SAMD4A: variants seen among roughly 807,000 people sequenced by gnomAD.
SAMD4A encodes the protein protein Smaug homolog 1.
Under a neutral mutation model 81.3 loss-of-function variants are expected in SAMD4A, and 33 were observed. The ratio of observed to expected loss-of-function variants is 0.41; its 90% confidence interval spans 0.31 to 0.54. The LOEUF (loss-of-function observed/expected upper bound fraction) is 0.54, where lower values mean the gene tolerates loss of function less well. SAMD4A is among the 20% of genes least tolerant of loss of function. The pLI is 0.37. For synonymous variants in SAMD4A, 389 were observed against 382.1 expected, an observed-to-expected ratio of 1.02 and a Z score of -0.21; for missense variants, 854 against 951.1, an observed-to-expected ratio of 0.90 and a Z score of 1.34.
intron 2 of SAMD4A, among the ~76,000 whole-genome samples, chr14:54,691,549 CAAA>C (rs10610242): frequency 0.38 from 38,498 of 100,376 alleles, 6,220 homozygotes; most frequent in Middle Eastern, 0.48. Context: ...CTTCCCTTCT[CAAA>C]AAAAAAAAAA....
At chr14:54,568,439 G>A (rs2033016555) in intron 2 of SAMD4A, among the ~76,000 whole-genome samples, 1 of 151,748 alleles carries the variant, frequency 6.6e-6, no homozygotes, top group African/African-American at 2.4e-5. Flanking sequence ...CGTAGAGTCT[G>A]GATTTTCTGG....
intron 6 of SAMD4A, among the ~76,000 whole-genome samples, chr14:54,755,444 C>T (rs974646367): frequency 6.6e-6 from 1 of 152,098 alleles, no homozygotes; most frequent in Non-Finnish European, 1.5e-5. Context: ...AAGTGTGTGC[C>T]AAGGGTCAAG....
At chr14:54,773,592 G>A (rs2038761049) in intron 9 of SAMD4A, among the ~76,000 whole-genome samples, 1 of 152,200 alleles carries the variant, frequency 6.6e-6, no homozygotes, top group South Asian at 2.1e-4. Context: ...GGCAGCGCCG[G>A]CATCTGCACG....
intron 2 of SAMD4A, among the ~76,000 whole-genome samples, chr14:54,614,335 A>G (rs1243103811): frequency 6.6e-6 from 1 of 152,204 alleles, no homozygotes; most frequent in Non-Finnish European, 1.5e-5. Flanking sequence ...AATATGGTTC[A>G]TCTCAGTTAT....
chr14:54,772,981 C>T (rs1025057179), intron 9 of SAMD4A, among the ~76,000 whole-genome samples: 10 of 151,996 alleles, frequency 6.6e-5, no homozygotes, highest in South Asian at 6.2e-4. Flanking sequence ...AAAATGAAAA[C>T]GAAATTTTTA....
In SAMD4A at chr14:54,792,490, GCTGA is replaced by G. The variant is rs2039276509; in HGVS notation, c.*3547_*3550del. On this transcript the variant is annotated 3_prime_UTR_variant, in exon 13 of 13. Coordinates refer to ENST00000554335, the MANE Select transcript of SAMD4A (RefSeq NM_015589.6). The stretch of plus-strand genomic sequence containing the variant: ...ATTCCCCAGGAGCCTGGGCTTGGGG[GCTGA>G]GCTGGGCTGAATGCAAAAGCATGCA... The G allele has an allele frequency of 6.6e-6, 1 of 152,276 alleles. No individual in the cohort carries two copies. The highest frequency in any genetic ancestry group is 1.5e-5 in the Non-Finnish European group (1 of 68,114). 9.4% of individuals were successfully genotyped at this position (152,276 alleles called of 1,614,324 possible). A position where few individuals can be genotyped will look rare whatever the true frequency, so the allele number is the denominator to read the frequency against.
chr14:54,658,899 C>T (rs892537006), intron 2 of SAMD4A, among the ~76,000 whole-genome samples: 1 of 152,208 alleles, frequency 6.6e-6, no homozygotes, highest in African/African-American at 2.4e-5. Flanking sequence ...ACCTTTTCCA[C>T]GCTTTGTGGG....
rs146337985 is a variant in SAMD4A, at chr14:54,608,619, G to A, written c.196+40507G>A. 1.9e-3 allele frequency among the ~76,000 whole-genome samples: 288 copies of A among 152,326 alleles called. 1 individual carries two copies. Among genetic ancestry groups the A allele is most frequent in the African/African-American group, 6.3e-3 (262 of 41,558 alleles). ...CTGTGCTGGCACATAGTAGGTTATT[G>A]AGTTTGATATTTCGGTGAATGAAGG... On this transcript the variant is annotated intron_variant, in intron 2 of 12. Transcript: ENST00000554335.
intron 3 of SAMD4A, among the ~76,000 whole-genome samples, chr14:54,721,674 G>T (rs900386464): frequency 6.6e-6 from 1 of 152,166 alleles, no homozygotes; most frequent in African/African-American, 2.4e-5. Flanking sequence ...CTAGAGCTCA[G>T]TTCTTCTCAT....
chr14:54,623,116 G>T lies in SAMD4A; in HGVS notation c.196+55004G>T, dbSNP rs8013201. ...GCCGGGGCTTGTGTGGGTTCTGCCA[G>T]TGTATCCCCCAGGGACTCTCCTTGC... On this transcript the variant is annotated intron_variant, in intron 2 of 12. Transcript: ENST00000554335. 2.6e-5 allele frequency among the ~76,000 whole-genome samples: 4 copies of T among 152,054 alleles called. No individual in the cohort carries two copies. The East Asian group carries it at 7.7e-4, about 29-fold the overall frequency.
At chr14:54,630,465 G>A (rs1279062208) in intron 2 of SAMD4A, among the ~76,000 whole-genome samples, 2 of 152,162 alleles carry the variant, frequency 1.3e-5, no homozygotes, top group Non-Finnish European at 2.9e-5. Flanking sequence ...GTGCTTATTA[G>A]CCATTTGTAT....
At chr14:54,578,446 C>G (rs916202274) in intron 2 of SAMD4A, among the ~76,000 whole-genome samples, 1 of 147,348 alleles carries the variant, frequency 6.8e-6, no homozygotes, top group South Asian at 2.2e-4. Context: ...CGCACTGGCT[C>G]ATGCCTGTAA....
At chr14:54,769,516 A>T (rs948754446) in intron 8 of SAMD4A, among the ~76,000 whole-genome samples, 2 of 152,206 alleles carry the variant, frequency 1.3e-5, no homozygotes, top group Admixed American at 6.5e-5. Context: ...TCAGACCTAC[A>T]TACTTCCCTA....
chr14:54,628,368 CAG>C (rs2034816023), intron 2 of SAMD4A, among the ~76,000 whole-genome samples: 1 of 152,160 alleles, frequency 6.6e-6, no homozygotes, highest in South Asian at 2.1e-4. Flanking sequence ...TGCCATGTCA[CAG>C]AGGGGTCTGC....
At chr14:54,771,554 G>A (rs2038706047) in intron 9 of SAMD4A, among the ~76,000 whole-genome samples, 1 of 152,190 alleles carries the variant, frequency 6.6e-6, no homozygotes, top group Non-Finnish European at 1.5e-5. Context: ...AACCCTTGTG[G>A]GTTGGACTAG....
chr14:54,620,913 C>G (rs1044351473), intron 2 of SAMD4A, among the ~76,000 whole-genome samples: 3 of 152,186 alleles, frequency 2.0e-5, no homozygotes, highest in African/African-American at 7.2e-5. Flanking sequence ...GTACACACCA[C>G]CATGCTGGCT....
intron 2 of SAMD4A, among the ~76,000 whole-genome samples, chr14:54,572,623 A>T (rs1412543735): frequency 6.6e-6 from 1 of 152,194 alleles, no homozygotes; most frequent in Non-Finnish European, 1.5e-5. Flanking sequence ...CCATCTATTT[A>T]TAGTCATAGG....
At chr14:54,736,870 G>A (rs559657922) in intron 3 of SAMD4A, among the ~76,000 whole-genome samples, 154 bp from the exon 4 acceptor site, 8 of 152,228 alleles carry the variant, frequency 5.3e-5, no homozygotes, top group East Asian at 1.9e-4. Flanking sequence ...TGAAGAAAAC[G>A]ACCATGCCAG....
At chr14:54,620,218 C>T (rs998774573) in intron 2 of SAMD4A, among the ~76,000 whole-genome samples, 4 of 152,138 alleles carry the variant, frequency 2.6e-5, no homozygotes, top group African/African-American at 4.8e-5. Context: ...AGTTAGCAGC[C>T]GCTGAGCCAA....
Sources: gnomAD v4.1 joint callset for allele counts (sites outside exome capture counted in the v4.1 genomes callset) on GRCh38, gnomAD v4.1.1 for gene constraint, MANE v1.5 for transcripts, NCBI Gene and HGNC (gene_info 2026-07-23, HGNC 2026-07-21) for gene names.